TYW1B: variants seen among roughly 807,000 people sequenced by gnomAD.
TYW1B encodes tRNA-yW synthesizing protein 1 homolog B.
A neutral mutation model predicts 86.9 loss-of-function variants in TYW1B; 73 were observed. That is an observed-to-expected ratio of 0.84 (90% CI 0.70 to 1.02). The LOEUF is 1.02. Ranked by LOEUF, TYW1B falls within the 50% of genes least tolerant of loss-of-function variation. The pLI is 0.00. For synonymous variants in TYW1B, 248 were observed against 292.8 expected, an observed-to-expected ratio of 0.85 and a Z score of 1.56; for missense variants, 637 against 827.4, an observed-to-expected ratio of 0.77 and a Z score of 2.82.
intron 2 of TYW1B, among the ~76,000 whole-genome samples, chr7:72,820,293 T>G (rs1415334689): frequency 6.6e-6 from 1 of 151,640 alleles, no homozygotes; most frequent in Non-Finnish European, 1.5e-5. Context: ...AAACAAGAAA[T>G]TTCAACCAAG....
Position 72,633,315 on chromosome 7 carries a change from G to A in TYW1B, c.1507-4318C>T, listed in dbSNP as rs138737660. Among the ~76,000 whole-genome samples the A allele has an allele frequency of 2.6e-5, 4 of 152,312 alleles. No homozygotes were observed. In the East Asian group the frequency reaches 5.8e-4, roughly 22 times the overall value. On this transcript the variant is annotated intron_variant, in intron 11 of 13. Transcript: ENST00000620995. ...CAAGGAGCTGTACCCTTCAATAAAA[G>A]ATTCCCGTCTAACACCACTGGCTTG...
At chr7:72,650,261 T>A (rs1813028654) in intron 11 of TYW1B, among the ~76,000 whole-genome samples, 1 of 151,974 alleles carries the variant, frequency 6.6e-6, no homozygotes, top group African/African-American at 2.4e-5. Flanking sequence ...CGAAGCTTGG[T>A]CTTGCAAAAC....
chr7:72,775,358 G>A (rs1301328264), intron 7 of TYW1B, among the ~76,000 whole-genome samples: 1 of 152,118 alleles, frequency 6.6e-6, no homozygotes, highest in Non-Finnish European at 1.5e-5. Flanking sequence ...AAACTAAACT[G>A]AGGCACATTA....
At chr7:72,672,597 A>C (rs1238874758) in intron 11 of TYW1B, among the ~76,000 whole-genome samples, 1 of 151,922 alleles carries the variant, frequency 6.6e-6, no homozygotes, top group Non-Finnish European at 1.5e-5. Flanking sequence ...TGCAAATAGA[A>C]AGGGCAGTAC....
intron 13 of TYW1B, among the ~76,000 whole-genome samples, chr7:72,615,639 T>C (rs1461293222): frequency 1.3e-5 from 2 of 152,120 alleles, no homozygotes; most frequent in African/African-American, 2.4e-5. Flanking sequence ...ACTTTAGTCA[T>C]TGGAATTATC....
chr7:72,700,155 C>CTTTTTTTTTTTTTTTTTT (rs587689485), intron 10 of TYW1B, among the ~76,000 whole-genome samples: 1 of 74,208 alleles, frequency 1.3e-5, no homozygotes, highest in African/African-American at 5.8e-5. Flanking sequence ...AGCTTTTACA[C>CTTTTTTTTTTTTTTTTTT]TTTTTTTTTT....
rs376829689 is a variant in TYW1B, at chr7:72,625,016, G to A, written c.1617+3871C>T. Among the ~76,000 whole-genome samples, 327 of 151,242 alleles carry A rather than the reference G, an allele frequency of 2.2e-3. 4 individuals carry two copies. Among genetic ancestry groups the A allele is most frequent in the African/African-American group, 7.3e-3 (302 of 41,150 alleles). ...GGAGGTTGCAGTGAACCGAGATTGTGCCAGTGCGCTCCAGCCTGGGAGACA... is the reference window on the plus strand; with the variant it reads ...GGAGGTTGCAGTGAACCGAGATTGTACCAGTGCGCTCCAGCCTGGGAGACA... On this transcript the variant is annotated intron_variant, in intron 12 of 13. Coordinates refer to ENST00000620995, the MANE Select transcript of TYW1B (RefSeq NM_001145440.3).
intron 11 of TYW1B, among the ~76,000 whole-genome samples, chr7:72,648,157 T>C (rs528004824): frequency 3.3e-5 from 5 of 152,310 alleles, no homozygotes; most frequent in Non-Finnish European, 7.4e-5. Flanking sequence ...TATACACTTT[T>C]TAATAGTATT....
At chr7:72,595,404 T>C (rs1369418745) in intron 13 of TYW1B, among the ~76,000 whole-genome samples, 1 of 152,092 alleles carries the variant, frequency 6.6e-6, no homozygotes, top group Non-Finnish European at 1.5e-5. Context: ...ATAGCCACCA[T>C]AGTGAGTGGT....
At chr7:72,602,680 G>C (rs1227464697) in intron 13 of TYW1B, among the ~76,000 whole-genome samples, 1 of 152,180 alleles carries the variant, frequency 6.6e-6, no homozygotes, top group East Asian at 1.9e-4. Flanking sequence ...CCAGTGCCCA[G>C]CATGGCAGCA....
chr7:72,794,900 C>T (rs1171158212), intron 6 of TYW1B, among the ~76,000 whole-genome samples: 3 of 151,690 alleles, frequency 2.0e-5, no homozygotes, highest in Non-Finnish European at 4.4e-5. Flanking sequence ...CTCACTGCAA[C>T]CTCTGAATCC....
intron 13 of TYW1B, among the ~76,000 whole-genome samples, chr7:72,610,587 G>A (rs1245792414): frequency 2.0e-5 from 3 of 152,066 alleles, no homozygotes; most frequent in Admixed American, 6.6e-5. Flanking sequence ...TGCTAGACCT[G>A]AGGGTGAAAC....
chr7:72,802,093 C>G (rs1215908545), intron 6 of TYW1B, among the ~76,000 whole-genome samples: 1 of 151,584 alleles, frequency 6.6e-6, no homozygotes, highest in Non-Finnish European at 1.5e-5. Flanking sequence ...TATGTGCGGC[C>G]CAAGACATTT....
At chr7:72,746,911 T>C (rs1317023412) in intron 7 of TYW1B, among the ~76,000 whole-genome samples, 2 of 152,220 alleles carry the variant, frequency 1.3e-5, no homozygotes, top group Non-Finnish European at 2.9e-5. Context: ...TTTTAAAAAA[T>C]GATGTCTCCA....
rs563506771 is a variant in TYW1B, at chr7:72,780,794, T to A, written c.847-3261A>T. ...CTAACCTCCATATGCAGTAGTAATT[T>A]CGTTTCTGAAAAGAAATGTAATGGT... On this transcript the variant is annotated intron_variant, in intron 6 of 13. Coordinates refer to ENST00000620995, the MANE Select transcript of TYW1B (RefSeq NM_001145440.3). Among the ~76,000 whole-genome samples, 7 of 152,270 alleles carry A rather than the reference T, an allele frequency of 4.6e-5. No individual in the cohort carries two copies. The South Asian group carries it at 1.0e-3, about 23-fold the overall frequency.
rs1433232964 is a variant in TYW1B, at chr7:72,774,661, G to A, written c.964+2755C>T. On this transcript the variant is annotated intron_variant, in intron 7 of 13. Coordinates refer to ENST00000620995, the MANE Select transcript of TYW1B (RefSeq NM_001145440.3). ...CAGGAGAATCGCTTGAACCTGGGAG[G>A]CAGAGGTTGCAGTGAGCCAAGATCA... is the stretch of plus-strand genomic sequence containing the variant. Among the ~76,000 whole-genome samples, 8 of 152,256 alleles carry A rather than the reference G, an allele frequency of 5.3e-5. No individual in the cohort carries two copies. In the East Asian group the frequency reaches 1.5e-3, roughly 29 times the overall value.
intron 7 of TYW1B, among the ~76,000 whole-genome samples, chr7:72,756,424 G>A (rs549389849): frequency 4.4e-4 from 67 of 151,582 alleles, no homozygotes; most frequent in African/African-American, 1.4e-3. Flanking sequence ...TAGTAGAGAC[G>A]GGATTTCACC....
intron 8 of TYW1B, among the ~76,000 whole-genome samples, chr7:72,741,142 A>G (rs1241346376): frequency 2.0e-5 from 3 of 152,152 alleles, no homozygotes; most frequent in Non-Finnish European, 2.9e-5. Flanking sequence ...AAGCATAGAC[A>G]TTAGACCAAC....
Position 72,811,098 on chromosome 7 carries a change from G to A in TYW1B, c.238-433C>T, listed in dbSNP as rs182568743. Among the ~76,000 whole-genome samples, 554 of 151,622 alleles carry A rather than the reference G, an allele frequency of 3.7e-3. 9 individuals carry two copies. Among genetic ancestry groups the A allele is most frequent in the Non-Finnish European group, 4.7e-3 (316 of 67,820 alleles). Reference sequence around the variant, plus strand: ...CATCCTGGCTAACACGGTGAAACCCGGTCTTTACTAAAAATACAAAAAATT... The same window carrying A: ...CATCCTGGCTAACACGGTGAAACCCAGTCTTTACTAAAAATACAAAAAATT... On this transcript the variant is annotated intron_variant, in intron 3 of 13. Coordinates refer to ENST00000620995, the MANE Select transcript of TYW1B (RefSeq NM_001145440.3).
Sources: allele counts gnomAD v4.1 joint callset (sites outside exome capture counted in the v4.1 genomes callset), GRCh38; gene constraint gnomAD v4.1.1; transcripts MANE v1.5; gene names NCBI Gene and HGNC (gene_info 2026-07-23, HGNC 2026-07-21).